CLNK: variants seen among roughly 807,000 people sequenced by gnomAD.
CLNK encodes cytokine dependent hematopoietic cell linker, also known as cytokine-dependent hematopoietic cell linker.
A neutral mutation model predicts 68.6 loss-of-function variants in CLNK; 74 were observed. The observed-to-expected ratio is 1.08, with a 90% CI of 0.89 to 1.31. CLNK has a LOEUF of 1.31. Among genes scored for constraint, CLNK ranks in the 50% most tolerant of loss-of-function variants. The probability of loss-of-function intolerance (pLI) is 0.00; values close to 1 mark genes in which losing one functional copy is unlikely to be tolerated. For synonymous variants in CLNK, 198 were observed against 172.2 expected (o/e 1.15, Z -1.17); for missense variants, 553 against 515.3 (o/e 1.07, Z -0.71).
intron 2 of CLNK, among the ~76,000 whole-genome samples, chr4:10,664,296 G>A (rs866208714): frequency 2.0e-4 from 30 of 152,176 alleles, no homozygotes; most frequent in Middle Eastern, 3.4e-3. Context: ...CACTGAAATT[G>A]TTTTTGTTTA....
At chr4:10,656,189 C>T (rs536372011) in intron 2 of CLNK, among the ~76,000 whole-genome samples, 72 of 151,834 alleles carry the variant, frequency 4.7e-4, no homozygotes, top group Admixed American at 1.2e-3. Flanking sequence ...AGGAAAAGTT[C>T]GCTATGACTC....
chr4:10,607,443 T>G (rs139996740), intron 2 of CLNK, among the ~76,000 whole-genome samples: 2 of 152,328 alleles, frequency 1.3e-5, no homozygotes, highest in African/African-American at 2.4e-5. Context: ...TGCAGGAAGC[T>G]TCATTTGCTG....
intron 2 of CLNK, among the ~76,000 whole-genome samples, chr4:10,641,825 T>C (rs1386471985): frequency 6.6e-6 from 1 of 151,206 alleles, no homozygotes; most frequent in Non-Finnish European, 1.5e-5. Context: ...AATTGAATAA[T>C]GGGGGTGGTT....
At chr4:10,654,311 A>T (rs1723869131) in intron 2 of CLNK, among the ~76,000 whole-genome samples, 1 of 149,686 alleles carries the variant, frequency 6.7e-6, no homozygotes, top group Admixed American at 6.7e-5. Flanking sequence ...CAAAAGCAGA[A>T]GGAAAAATAT....
intron 2 of CLNK, among the ~76,000 whole-genome samples, chr4:10,629,657 C>G (rs1722809458): frequency 6.6e-6 from 1 of 152,146 alleles, no homozygotes; most frequent in Admixed American, 6.5e-5. Flanking sequence ...ATGGTGAGGT[C>G]AGCCCCAAAA....
intron 1 of CLNK, among the ~76,000 whole-genome samples, chr4:10,681,411 T>C (rs1457654786): frequency 6.6e-6 from 1 of 152,214 alleles, no homozygotes; most frequent in Non-Finnish European, 1.5e-5. Context: ...AGTCAGCCCT[T>C]ATCTTTATCT....
chr4:10,522,441 G>A (rs1477449621), intron 14 of CLNK, among the ~76,000 whole-genome samples: 1 of 151,180 alleles, frequency 6.6e-6, no homozygotes, highest in Non-Finnish European at 1.5e-5. Context: ...GGGCGTGGTG[G>A]CATCTGCCTG....
At chr4:10,624,829 T>G (rs1189296705) in intron 2 of CLNK, among the ~76,000 whole-genome samples, 2 of 152,130 alleles carry the variant, frequency 1.3e-5, no homozygotes, top group Non-Finnish European at 2.9e-5. Flanking sequence ...ATGGTGATTC[T>G]GTCCAAACTT....
At chr4:10,551,234 A>G (rs563348073) in intron 8 of CLNK, among the ~76,000 whole-genome samples, 1 of 152,234 alleles carries the variant, frequency 6.6e-6, no homozygotes, top group African/African-American at 2.4e-5. Context: ...TGTGGTAAAT[A>G]TATGCAAGAC....
chr4:10,726,901 T>C, the CLNK span, among the ~76,000 whole-genome samples: 67 of 152,324 alleles, frequency 4.4e-4, no homozygotes, highest in African/African-American at 1.5e-3. Context: ...GAAAATGTGT[T>C]GTTACCTGTA....
chr4:10,490,536 A>G lies in CLNK; in HGVS notation c.1218T>C (p.Thr406=). 4 of 1,609,746 alleles carry G rather than the reference A, an allele frequency of 2.5e-6. No homozygotes were observed. The highest frequency in any genetic ancestry group is 3.4e-6 in the Non-Finnish European group (4 of 1,178,012). The change falls in exon 19 of 19, where the codon ACT becomes ACC. Residue 406 remains threonine, a synonymous_variant. Transcript: ENST00000226951. The stretch of plus-strand genomic sequence containing the variant: ...GGTGACACTGTTTCCTGTGGACCCC[A>G]GTTTTATCTTTCCCATCAATTAGTA... The part of the protein sequence containing the change: ...PIILIDGKDK[T]GVHRKQCHLT...
the CLNK span, among the ~76,000 whole-genome samples, chr4:10,722,833 T>G: frequency 6.6e-6 from 1 of 152,118 alleles, no homozygotes; most frequent in Non-Finnish European, 1.5e-5. Flanking sequence ...GTGGATCACC[T>G]AAGGTCAGGA....
At chr4:10,672,883 A>C (rs1653512673) in intron 1 of CLNK, among the ~76,000 whole-genome samples, 1 of 152,194 alleles carries the variant, frequency 6.6e-6, no homozygotes, top group Non-Finnish European at 1.5e-5. Context: ...TATGGAAAGC[A>C]CCAAATAATC....
chr4:10,588,370 T>A (rs1457073299), intron 3 of CLNK, among the ~76,000 whole-genome samples: 1 of 152,192 alleles, frequency 6.6e-6, no homozygotes, highest in Non-Finnish European at 1.5e-5. Context: ...CTAAAAAGCA[T>A]GTTGGAGATA....
intron 2 of CLNK, among the ~76,000 whole-genome samples, chr4:10,612,536 C>T (rs898930871): frequency 2.6e-5 from 4 of 152,232 alleles, no homozygotes; most frequent in African/African-American, 7.2e-5. Flanking sequence ...CAGTAAACAC[C>T]TGAATGGCAT....
At position 10,571,734 on chromosome 4, in the gene CLNK, G is replaced by T; in HGVS notation, c.150+7C>A. On this transcript the variant is annotated splice_region_variant and intron_variant, in intron 5 of 18. Coordinates refer to ENST00000226951, the MANE Select transcript of CLNK (RefSeq NM_052964.4). ...TATAAAATAGATAAGGGAAGCAGCT[G>T]ACTTACCCAGTCTAGAAGAGGCTTG... The T allele has an allele frequency of 6.2e-7, 1 of 1,609,374 alleles. No individual in the cohort carries two copies. The highest frequency in any genetic ancestry group is 8.5e-7 in the Non-Finnish European group (1 of 1,175,994).
chr4:10,665,872 T>C (rs1301107780), intron 2 of CLNK, among the ~76,000 whole-genome samples: 2 of 152,098 alleles, frequency 1.3e-5, no homozygotes, highest in African/African-American at 4.8e-5. Flanking sequence ...CAAATCTCCA[T>C]CGCTTGTGAA....
Position 10,540,597 on chromosome 4 carries a change from T to C in CLNK, c.499A>G (p.Ile167Val). 6.2e-7 allele frequency: 1 copy of C among 1,612,980 alleles called. No homozygotes were observed. The change falls in exon 11 of 19, where the codon ATA becomes GTA. Residue 167 changes from isoleucine (I) to valine (V), a missense_variant. By Grantham distance (29) the Ile-to-Val change is conservative. Transcript: ENST00000226951. ...GGTTGGTACTTCTTCGGAAGTGTTA[T>C]GAGAGGCCTGTGTGGAGAGTCGCAG... The part of the protein sequence containing the change: ...KIPLPPPRPL[I>V]TLPKKYQPLP...
At chr4:10,550,719 C>T (rs1345383988) in intron 8 of CLNK, among the ~76,000 whole-genome samples, 2 of 152,030 alleles carry the variant, frequency 1.3e-5, no homozygotes, top group African/African-American at 2.4e-5. Context: ...CCCAATTTCA[C>T]GGATAGAAGA....
Sources: gnomAD v4.1 joint callset for allele counts (sites outside exome capture counted in the v4.1 genomes callset) on GRCh38, gnomAD v4.1.1 for gene constraint, MANE v1.5 for transcripts, NCBI Gene and HGNC (gene_info 2026-07-23, HGNC 2026-07-21) for gene names.